SORCS1: variants seen among roughly 807,000 people sequenced by gnomAD.
SORCS1 encodes VPS10 domain-containing receptor SorCS1.
SORCS1 carries 60 observed loss-of-function variants against 146.1 expected under a neutral mutation model. The observed-to-expected ratio is 0.41, with a 90% CI of 0.33 to 0.51. The LOEUF is 0.51. Among genes scored for constraint, SORCS1 ranks in the 20% least tolerant of loss-of-function variants. The pLI is 0.21. For missense variants in SORCS1, 1,352 were observed against 1,487.6 expected, an observed-to-expected ratio of 0.91 and a Z score of 1.50; for synonymous variants, 637 against 584.0, an observed-to-expected ratio of 1.09 and a Z score of -1.31.
intron 2 of SORCS1, among the ~76,000 whole-genome samples, chr10:106,889,741 T>C (rs1253610111): frequency 6.6e-6 from 1 of 151,846 alleles, no homozygotes; most frequent in Non-Finnish European, 1.5e-5. Flanking sequence ...CTACTAAAAG[T>C]ACAAATAAAT....
At chr10:106,799,325 C>G (rs147709089) in intron 3 of SORCS1, among the ~76,000 whole-genome samples, 4,657 of 152,168 alleles carry the variant, frequency 0.031, 116 homozygotes, top group Non-Finnish European at 0.05. Flanking sequence ...CATGGGCAAG[C>G]ACTTCATGTC....
At chr10:106,644,453 G>A (rs534568258) in intron 18 of SORCS1, among the ~76,000 whole-genome samples, 4 of 151,882 alleles carry the variant, frequency 2.6e-5, no homozygotes, top group African/African-American at 4.8e-5. Flanking sequence ...TGCAACCTCC[G>A]CCTCCCAGGT....
At position 106,867,904 on chromosome 10, in the gene SORCS1, A is replaced by G. The variant is rs139152544; in HGVS notation, c.627-38231T>C. On this transcript the variant is annotated intron_variant, in intron 2 of 25. Transcript: ENST00000263054. ...TGGCTAAATGCCCCACTTTAAAGGC[A>G]CAGAGTGTCAAGCTGGATGAAAAAG... Among the ~76,000 whole-genome samples, 192 of 152,314 alleles carry G rather than the reference A, an allele frequency of 1.3e-3. 1 individual carries two copies. In the East Asian group the frequency reaches 0.032, roughly 25 times the overall value.
intron 25 of SORCS1, chr10:106,579,125 C>T: frequency 6.2e-7 from 1 of 1,614,094 alleles, no homozygotes; most frequent in Non-Finnish European, 8.5e-7. Context: ...CATCTATAAG[C>T]TGGCCAGGCC....
Position 106,621,518 on chromosome 10 carries a change from C to A in SORCS1, c.2663-957G>T, listed in dbSNP as rs533439805. On this transcript the variant is annotated intron_variant, in intron 19 of 25. Coordinates refer to ENST00000263054, the MANE Select transcript of SORCS1 (RefSeq NM_052918.5). ...ACTCTCTACAGACTTTTCTACTAGG[C>A]AACACCATCCACACCTTAACCTTCA... Among the ~76,000 whole-genome samples, 13 of 151,732 alleles carry A rather than the reference C, an allele frequency of 8.6e-5. No individual in the cohort carries two copies. In the East Asian group the frequency reaches 2.6e-3, roughly 30 times the overall value.
rs116174945 is a variant in SORCS1, at chr10:106,891,570, G to C, written c.627-61897C>G. Among the ~76,000 whole-genome samples the C allele has an allele frequency of 8.1e-3, 1,180 of 145,970 alleles. 19 individuals are homozygous for C. The highest frequency in any genetic ancestry group is 0.029 in the African/African-American group (1,126 of 38,458). On this transcript the variant is annotated intron_variant, in intron 2 of 25. Coordinates refer to ENST00000263054, the MANE Select transcript of SORCS1 (RefSeq NM_052918.5). Reference sequence around the variant, plus strand: ...GCTGAAGTGCAGTGGCATCACCATAGCTCACTATAACCTCGAATTCCTGGG... The same window carrying C: ...GCTGAAGTGCAGTGGCATCACCATACCTCACTATAACCTCGAATTCCTGGG...
intron 1 of SORCS1, among the ~76,000 whole-genome samples, chr10:107,013,776 A>G (rs1465395671): frequency 6.6e-6 from 1 of 152,138 alleles, no homozygotes; most frequent in African/African-American, 2.4e-5. Context: ...TGACCTCCTC[A>G]TGCTACAAGG....
At chr10:106,842,125 G>A (rs543615418) in intron 2 of SORCS1, among the ~76,000 whole-genome samples, 42 of 151,978 alleles carry the variant, frequency 2.8e-4, no homozygotes, top group African/African-American at 9.4e-4. Context: ...ATTTTAATAG[G>A]TGTATAGCAG....
rs758695222 is a variant in SORCS1 at position 106,579,429 on chromosome 10, A to G, written c.3311T>C (p.Leu1104Pro). 1.9e-6 allele frequency: 3 copies of G among 1,614,008 alleles called. No homozygotes were observed. The East Asian group carries it at 6.7e-5, about 36-fold the overall frequency. ...CACAAACACCACTGAGAGCAGCATCAGCATGGCAGATCCACTGTGGGTTGG... is the reference window on the plus strand; with the variant it reads ...CACAAACACCACTGAGAGCAGCATCGGCATGGCAGATCCACTGTGGGTTGG... The part of the protein sequence containing the change: ...LTPTHSGSAM[L>P]MLLSVVFVGL... The change falls in exon 25 of 26, where the codon CTG (leucine) becomes CCG (proline). Residue 1104 changes from leucine to proline, a missense_variant. By Grantham distance (98) the Leu-to-Pro change is moderately conservative (BLOSUM62 -3). Coordinates refer to ENST00000263054, the MANE Select transcript of SORCS1 (RefSeq NM_052918.5).
intron 5 of SORCS1, among the ~76,000 whole-genome samples, chr10:106,742,723 T>C (rs879381795): frequency 1.3e-5 from 2 of 152,140 alleles, no homozygotes; most frequent in Non-Finnish European, 2.9e-5. Context: ...TAAAACCAAG[T>C]TGTGACTGCA....
chr10:106,713,638 A>G (rs933386348), intron 6 of SORCS1, among the ~76,000 whole-genome samples: 4 of 152,232 alleles, frequency 2.6e-5, no homozygotes, highest in African/African-American at 7.2e-5. Flanking sequence ...AGTCTTCACA[A>G]CACTGCAGAG....
chr10:106,702,143 T>C (rs952704847), intron 8 of SORCS1, among the ~76,000 whole-genome samples: 1 of 152,228 alleles, frequency 6.6e-6, no homozygotes, highest in African/African-American at 2.4e-5. Flanking sequence ...TGGAGAGACT[T>C]GTCTGTGGAA....
chr10:106,843,919 G>A (rs1949183429), intron 2 of SORCS1, among the ~76,000 whole-genome samples: 1 of 152,134 alleles, frequency 6.6e-6, no homozygotes, highest in African/African-American at 2.4e-5. Context: ...TATGCACCCA[G>A]GAATAAAACT....
chr10:107,113,835 C>CT (rs1965854142), intron 1 of SORCS1, among the ~76,000 whole-genome samples: 1 of 150,810 alleles, frequency 6.6e-6, no homozygotes, highest in Non-Finnish European at 1.5e-5. Flanking sequence ...GAAATAGAGA[C>CT]TAAAAAGAAA....
chr10:106,789,520 G>A (rs1240057350), intron 3 of SORCS1, among the ~76,000 whole-genome samples: 1 of 152,204 alleles, frequency 6.6e-6, no homozygotes, highest in Admixed American at 6.5e-5. Context: ...GGGGCAAAAT[G>A]CCACCAGTCT....
chr10:106,813,024 G>T (rs1947549513), intron 3 of SORCS1, among the ~76,000 whole-genome samples: 1 of 151,906 alleles, frequency 6.6e-6, no homozygotes, highest in Non-Finnish European at 1.5e-5. Context: ...TATCTAAGCA[G>T]ATCCTTGCAC....
chr10:106,659,832 C>A (rs1850589198), intron 17 of SORCS1, among the ~76,000 whole-genome samples: 1 of 152,142 alleles, frequency 6.6e-6, no homozygotes, highest in South Asian at 2.1e-4. Context: ...CATTTCCCAA[C>A]CCCAGTGTCA....
At chr10:106,663,376 G>A (rs938766306) in intron 17 of SORCS1, among the ~76,000 whole-genome samples, 2 of 152,122 alleles carry the variant, frequency 1.3e-5, no homozygotes, top group African/African-American at 2.4e-5. Context: ...GCAAAGACAA[G>A]TATTTAGAAG....
At chr10:107,026,490 G>A (rs1199729241) in intron 1 of SORCS1, among the ~76,000 whole-genome samples, 2 of 151,998 alleles carry the variant, frequency 1.3e-5, no homozygotes, top group African/African-American at 4.8e-5. Context: ...ATGGTGGTGG[G>A]CGCCTGTAGC....
Sources: gnomAD v4.1 joint callset for allele counts (sites outside exome capture counted in the v4.1 genomes callset) on GRCh38, gnomAD v4.1.1 for gene constraint, MANE v1.5 for transcripts, NCBI Gene and HGNC (gene_info 2026-07-23, HGNC 2026-07-21) for gene names.